The following HDAC9 variants were observed in gnomAD, a reference collection of about 807,000 sequenced individuals.
HDAC9 encodes the protein MEF-2 interacting transcription repressor (MITR) protein.
In HDAC9, 41 loss-of-function variants were observed where a neutral mutation model predicts 139.4. That is an observed-to-expected ratio of 0.29 (90% CI 0.23 to 0.38). The LOEUF (loss-of-function observed/expected upper bound fraction) is 0.38. HDAC9 is among the 10% of genes least tolerant of loss of function. The probability of loss-of-function intolerance (pLI) is 1.00; values close to 1 mark genes in which losing one functional copy is unlikely to be tolerated. For synonymous variants in HDAC9, 517 were observed against 476.2 expected, an observed-to-expected ratio of 1.09 and a Z score of -1.12; for missense variants, 1,147 against 1,297.0, an observed-to-expected ratio of 0.88 and a Z score of 1.78.
chr7:18,183,217 G>T (rs540481601), intron 2 of HDAC9, among the ~76,000 whole-genome samples: 2 of 152,072 alleles, frequency 1.3e-5, no homozygotes, highest in South Asian at 2.1e-4. Context: ...CACCGTGTTA[G>T]CCAGGATGGT....
At position 18,724,159 on chromosome 7, in the gene HDAC9, A is replaced by G. The variant is rs142771177; in HGVS notation, c.1732-3421A>G. On this transcript the variant is annotated intron_variant, in intron 12 of 25. Coordinates refer to ENST00000686413, the MANE Select transcript of HDAC9 (RefSeq NM_178425.4). ...ACTTTCTTAAACAAAATTTCCCTGA[A>G]CCTCTTCAACAGGTTTTTCTTAAAA... 2.9e-4 allele frequency among the ~76,000 whole-genome samples: 44 copies of G among 152,068 alleles called. 1 individual carries two copies. The East Asian group carries it at 7.5e-3, about 26-fold the overall frequency.
chr7:18,870,880 G>A (rs532985416), intron 21 of HDAC9, among the ~76,000 whole-genome samples: 2 of 152,046 alleles, frequency 1.3e-5, no homozygotes, highest in African/African-American at 4.8e-5. Flanking sequence ...GTTACCCAGG[G>A]TGGAACCCCT....
intron 2 of HDAC9, among the ~76,000 whole-genome samples, chr7:18,556,048 A>T (rs1376799059): frequency 1.3e-5 from 2 of 151,810 alleles, no homozygotes; most frequent in African/African-American, 2.4e-5. Context: ...ATATCTTTTT[A>T]ATTGGAAAAA....
intron 1 of HDAC9, among the ~76,000 whole-genome samples, chr7:18,302,894 C>G (rs1214208490): frequency 2.0e-5 from 3 of 152,162 alleles, no homozygotes; most frequent in African/African-American, 7.2e-5. Flanking sequence ...AGTTCTTTAA[C>G]TGGTTGAATT....
At chr7:18,805,536 T>G (rs1264229007) in intron 17 of HDAC9, among the ~76,000 whole-genome samples, 1 of 152,202 alleles carries the variant, frequency 6.6e-6, no homozygotes, top group African/African-American at 2.4e-5. Flanking sequence ...CAGTGGACAC[T>G]GCGCAGAAGC....
chr7:18,669,628 C>A (rs904810104), intron 12 of HDAC9, among the ~76,000 whole-genome samples: 1 of 151,728 alleles, frequency 6.6e-6, no homozygotes, highest in East Asian at 1.9e-4. Context: ...TGCCTTTGAA[C>A]TATAAAATTA....
intron 2 of HDAC9, among the ~76,000 whole-genome samples, chr7:18,257,942 C>T (rs1326656952): frequency 6.6e-6 from 1 of 152,194 alleles, no homozygotes; most frequent in Non-Finnish European, 1.5e-5. Context: ...CACACTGCAG[C>T]ATCATCTGTG....
chr7:18,261,541 G>A (rs1032417992), intron 2 of HDAC9, among the ~76,000 whole-genome samples: 5 of 152,136 alleles, frequency 3.3e-5, no homozygotes, highest in African/African-American at 1.2e-4. Context: ...TACTCTGTGA[G>A]AATAATGGGA....
At chr7:18,821,978 G>A (rs1479541795) in intron 17 of HDAC9, among the ~76,000 whole-genome samples, 1 of 152,186 alleles carries the variant, frequency 6.6e-6, no homozygotes, top group East Asian at 1.9e-4. Context: ...GAGGTATGGA[G>A]GAGGGGCACA....
rs1398952239 is a variant in HDAC9 at position 18,874,461 on chromosome 7, G to C, written c.2685-17G>C. On this transcript the variant is annotated splice_polypyrimidine_tract_variant and intron_variant, in intron 21 of 25. Transcript: ENST00000686413. ...TCACCAGTCCCACGTGTGACCGGTT[G>C]CATTTTTACTGTGCAGGACCATCGT... The C allele has an allele frequency of 1.3e-6, 2 of 1,524,816 alleles. No homozygotes were observed. Among genetic ancestry groups the C allele is most frequent in the Non-Finnish European group, 1.8e-6 (2 of 1,115,956 alleles). The allele number at this position is 1,524,816 out of a possible 1,614,324, so 94.5% of individuals were successfully genotyped here.
chr7:18,962,739 G>A (rs1222352162), intron 24 of HDAC9, among the ~76,000 whole-genome samples: 2 of 152,106 alleles, frequency 1.3e-5, no homozygotes, highest in African/African-American at 4.8e-5. Context: ...AGACTAGGAC[G>A]TACTAGAAGA....
intron 17 of HDAC9, among the ~76,000 whole-genome samples, chr7:18,823,171 G>T (rs2129200781): frequency 6.6e-6 from 1 of 152,302 alleles, no homozygotes; most frequent in Non-Finnish European, 1.5e-5. Flanking sequence ...ATCAGGGATG[G>T]TGGGGTAGGT....
At chr7:18,417,281 C>CT (rs1789166064) in intron 1 of HDAC9, among the ~76,000 whole-genome samples, 2 of 152,078 alleles carry the variant, frequency 1.3e-5, no homozygotes, top group Admixed American at 1.3e-4. Context: ...CAACTTCCAT[C>CT]TTTTTTATAT....
At chr7:18,505,633 G>A (rs1799560909) in intron 2 of HDAC9, among the ~76,000 whole-genome samples, 1 of 152,118 alleles carries the variant, frequency 6.6e-6, no homozygotes, top group Non-Finnish European at 1.5e-5. Context: ...CATATGTTCT[G>A]TAGGTGGCTT....
At chr7:18,493,742 A>G (rs568678899), upstream of HDAC9, among the ~76,000 whole-genome samples, 22 of 151,918 alleles carry the variant, frequency 1.4e-4, no homozygotes, top group Non-Finnish European at 2.4e-4. Flanking sequence ...ATATACCGCA[A>G]TTTAAAAAAT....
intron 1 of HDAC9, among the ~76,000 whole-genome samples, chr7:18,443,139 G>A (rs2042813): frequency 0.89 from 136,036 of 152,200 alleles, 62,078 homozygotes; most frequent in Non-Finnish European, 0.98. Context: ...AAACTAGCCA[G>A]GAATGGTGAA....
intron 2 of HDAC9, among the ~76,000 whole-genome samples, chr7:18,498,395 A>G (rs887870920): frequency 6.6e-6 from 1 of 152,092 alleles, no homozygotes; most frequent in African/African-American, 2.4e-5. Context: ...TGAGGTTTTT[A>G]AAATCTCCCC....
At chr7:18,379,755 C>T (rs1418886548) in intron 1 of HDAC9, among the ~76,000 whole-genome samples, 1 of 152,130 alleles carries the variant, frequency 6.6e-6, no homozygotes, top group African/African-American at 2.4e-5. Context: ...TGTAGTTTTT[C>T]TGAGGCTTGC....
chr7:18,568,052 A>G (rs1050289780), intron 2 of HDAC9, among the ~76,000 whole-genome samples: 1 of 139,056 alleles, frequency 7.2e-6, no homozygotes, highest in African/African-American at 2.6e-5. Flanking sequence ...ATATATATAT[A>G]TGTAAGCTTA....
Sources: gnomAD v4.1 joint callset for allele counts (sites outside exome capture counted in the v4.1 genomes callset) on GRCh38, gnomAD v4.1.1 for gene constraint, MANE v1.5 for transcripts, NCBI Gene and HGNC (gene_info 2026-07-23, HGNC 2026-07-21) for gene names.